Variants in HCN1 observed in about 807,000 individuals in gnomAD.
The protein encoded by HCN1 is potassium/sodium hyperpolarization-activated cyclic nucleotide-gated channel 1.
Under a neutral mutation model 78.9 loss-of-function variants are expected in HCN1, and 13 were observed. The observed-to-expected ratio is 0.16, with a 90% CI of 0.11 to 0.26. The LOEUF (loss-of-function observed/expected upper bound fraction) is 0.26, where lower values mean the gene tolerates loss of function less well. Among genes scored for constraint, HCN1 ranks in the 10% least tolerant of loss-of-function variants. The probability of loss-of-function intolerance (pLI) is 1.00; values close to 1 mark genes in which losing one functional copy is unlikely to be tolerated. For synonymous variants in HCN1, 552 were observed against 455.5 expected, an observed-to-expected ratio of 1.21 and a Z score of -2.70; for missense variants, 810 against 1,154.3, an observed-to-expected ratio of 0.70 and a Z score of 4.32.
At position 45,603,453 on chromosome 5, in the gene HCN1, C is replaced by T. The variant is rs376137300; in HGVS notation, c.849+41732G>A. 7.9e-5 allele frequency among the ~76,000 whole-genome samples: 12 copies of T among 152,130 alleles called. 1 individual carries two copies. Among genetic ancestry groups the T allele is most frequent in the African/African-American group, 2.6e-4 (11 of 41,538 alleles). ...GTTAAAAGATTATGTAATCTGGCATCTAATTTTTACAGATGAATATTGGAT... is the reference window on the plus strand; with the variant it reads ...GTTAAAAGATTATGTAATCTGGCATTTAATTTTTACAGATGAATATTGGAT... On this transcript the variant is annotated intron_variant, in intron 2 of 7. Coordinates refer to ENST00000303230, the MANE Select transcript of HCN1 (RefSeq NM_021072.4).
intron 4 of HCN1, among the ~76,000 whole-genome samples, chr5:45,394,823 G>T (rs564938282): frequency 6.6e-6 from 1 of 151,956 alleles, no homozygotes; most frequent in Admixed American, 6.6e-5. Context: ...AAAAAAAAAA[G>T]TTATATTCTT....
At chr5:45,339,036 C>A (rs1171223923) in intron 5 of HCN1, among the ~76,000 whole-genome samples, 5 of 152,254 alleles carry the variant, frequency 3.3e-5, no homozygotes, top group African/African-American at 1.2e-4. Flanking sequence ...ACCCTGTTTT[C>A]ACCTTTACAA....
chr5:45,372,098 TTTTA>T (rs1747395104), intron 4 of HCN1, among the ~76,000 whole-genome samples: 3 of 55,736 alleles, frequency 5.4e-5, no homozygotes, highest in African/African-American at 2.9e-4. Context: ...TATATATATA[TTTTA>T]TATATAATAT....
chr5:45,567,096 T>G (rs1743722872), intron 2 of HCN1, among the ~76,000 whole-genome samples: 1 of 152,206 alleles, frequency 6.6e-6, no homozygotes, highest in African/African-American at 2.4e-5. Context: ...TAATTGGTTT[T>G]AAAATTATGG....
At chr5:45,615,896 C>T (rs1446565184) in intron 2 of HCN1, among the ~76,000 whole-genome samples, 1 of 151,714 alleles carries the variant, frequency 6.6e-6, no homozygotes, top group Non-Finnish European at 1.5e-5. Context: ...AACAGTTATT[C>T]AACTCAAAAC....
At chr5:45,429,730 G>A (rs1342602575) in intron 3 of HCN1, among the ~76,000 whole-genome samples, 1 of 152,164 alleles carries the variant, frequency 6.6e-6, no homozygotes, top group Non-Finnish European at 1.5e-5. Flanking sequence ...GGCTGTGGTA[G>A]GCTGGCAGAT....
At chr5:45,296,320 C>G (rs868090954) in intron 6 of HCN1, among the ~76,000 whole-genome samples, 4 of 151,252 alleles carry the variant, frequency 2.6e-5, no homozygotes, top group Non-Finnish European at 4.4e-5. Context: ...AACTAGAAAC[C>G]AACAATAGAA....
At chr5:45,302,224 C>T (rs1339469470) in intron 6 of HCN1, among the ~76,000 whole-genome samples, 1 of 151,940 alleles carries the variant, frequency 6.6e-6, no homozygotes, top group Non-Finnish European at 1.5e-5. Flanking sequence ...GTAATGGGTG[C>T]CCCCATGTTG....
intron 2 of HCN1, among the ~76,000 whole-genome samples, chr5:45,509,302 T>A (rs1419689769): frequency 3.3e-5 from 5 of 152,104 alleles, no homozygotes; most frequent in African/African-American, 1.2e-4. Context: ...TTTATGCTCT[T>A]TGGGTTATGT....
At position 45,255,444 on chromosome 5, in the gene HCN1, G is replaced by A. The variant is rs1361847001; in HGVS notation, c.*6477C>T. ...GGATCTTGCCCAAAAGCGGACTTCTGTAGGTACAGGGTAAGGCCAAGGACT... is the reference window on the plus strand; with the variant it reads ...GGATCTTGCCCAAAAGCGGACTTCTATAGGTACAGGGTAAGGCCAAGGACT... On this transcript the variant is annotated 3_prime_UTR_variant, in exon 8 of 8. Coordinates refer to ENST00000303230, the MANE Select transcript of HCN1 (RefSeq NM_021072.4). 6.6e-6 allele frequency: 1 copy of A among 152,170 alleles called. No homozygotes were observed. Among genetic ancestry groups the A allele is most frequent in the Non-Finnish European group, 1.5e-5 (1 of 68,046 alleles). 9.4% of individuals were successfully genotyped at this position (152,170 alleles called of 1,614,324 possible).
At chr5:45,323,395 C>G (rs914934735) in intron 5 of HCN1, among the ~76,000 whole-genome samples, 1 of 151,676 alleles carries the variant, frequency 6.6e-6, no homozygotes, top group Non-Finnish European at 1.5e-5. Flanking sequence ...TATATAATTC[C>G]TATTACATCT....
intron 2 of HCN1, among the ~76,000 whole-genome samples, chr5:45,487,313 T>C (rs1334429037): frequency 1.3e-5 from 2 of 152,142 alleles, no homozygotes; most frequent in Non-Finnish European, 2.9e-5. Context: ...TAAATTTTGC[T>C]GTACTCTTCA....
chr5:45,337,128 T>C (rs1746473041), intron 5 of HCN1, among the ~76,000 whole-genome samples: 1 of 152,096 alleles, frequency 6.6e-6, no homozygotes, highest in Non-Finnish European at 1.5e-5. Flanking sequence ...TACCTTCCTC[T>C]TCGCCCCACC....
In HCN1 at chr5:45,481,626, C is replaced by A. The variant is rs1246162026; in HGVS notation, c.850-19619G>T. ...TGAAGCTACAATGAAAGGAAATAATCTGGTATGTTGACAGATGATCTAGAG... is the reference window on the plus strand; with the variant it reads ...TGAAGCTACAATGAAAGGAAATAATATGGTATGTTGACAGATGATCTAGAG... On this transcript the variant is annotated intron_variant, in intron 2 of 7. Transcript: ENST00000303230. Among the ~76,000 whole-genome samples the A allele has an allele frequency of 6.6e-5, 10 of 152,200 alleles. 1 individual carries two copies. The South Asian group carries it at 1.0e-3, about 16-fold the overall frequency.
At chr5:45,558,362 G>C (rs1221812765) in intron 2 of HCN1, 1 of 152,122 alleles carries the variant, frequency 6.6e-6, no homozygotes, top group Non-Finnish European at 1.5e-5. Context: ...TTTAAGGAAA[G>C]AGGCTGTTTC....
At chr5:45,372,754 C>G (rs988864842) in intron 4 of HCN1, among the ~76,000 whole-genome samples, 3 of 141,412 alleles carry the variant, frequency 2.1e-5, no homozygotes, top group African/African-American at 7.7e-5. Context: ...TATACGTATT[C>G]TATACACAAA....
intron 6 of HCN1, among the ~76,000 whole-genome samples, chr5:45,284,551 A>G (rs943062140): frequency 2.6e-5 from 4 of 152,150 alleles, no homozygotes; most frequent in Admixed American, 6.6e-5. Context: ...AACAAGTCCA[A>G]CTGTGTTTTC....
At chr5:45,315,063 C>A (rs1745951386) in intron 5 of HCN1, among the ~76,000 whole-genome samples, 1 of 152,120 alleles carries the variant, frequency 6.6e-6, no homozygotes, top group Admixed American at 6.5e-5. Context: ...ACCAAGCGGA[C>A]CTAATAGACA....
chr5:45,670,620 T>G (rs1411536459), intron 1 of HCN1, among the ~76,000 whole-genome samples: 1 of 151,734 alleles, frequency 6.6e-6, no homozygotes, highest in African/African-American at 2.4e-5. Context: ...GAAGTCTCAA[T>G]TTACTCTGCT....
Sources: allele counts gnomAD v4.1 joint callset (sites outside exome capture counted in the v4.1 genomes callset), GRCh38; gene constraint gnomAD v4.1.1; transcripts MANE v1.5; gene names NCBI Gene and HGNC (gene_info 2026-07-23, HGNC 2026-07-21).